Variants in PTPRR observed in about 807,000 individuals in gnomAD.
PTPRR encodes receptor-type tyrosine-protein phosphatase R.
In PTPRR, 38 loss-of-function variants were observed where a neutral mutation model predicts 77.2. That is an observed-to-expected ratio of 0.49 (90% confidence interval 0.38 to 0.65). PTPRR has a LOEUF of 0.65. Among genes scored for constraint, PTPRR ranks in the 30% least tolerant of loss-of-function variants. The pLI is 0.00. For missense variants in PTPRR, 744 were observed against 799.2 expected, an observed-to-expected ratio of 0.93 and a Z score of 0.83; for synonymous variants, 299 against 283.1, an observed-to-expected ratio of 1.06 and a Z score of -0.57.
chr12:70,800,826 C>T (rs193242389), intron 2 of PTPRR, among the ~76,000 whole-genome samples: 42 of 150,818 alleles, frequency 2.8e-4, no homozygotes, highest in South Asian at 1.3e-3. Flanking sequence ...ACCCGGGTGG[C>T]GGAGGTTGTA....
At chr12:70,699,298 T>G (rs1410290535) in intron 7 of PTPRR, among the ~76,000 whole-genome samples, 1 of 152,218 alleles carries the variant, frequency 6.6e-6, no homozygotes, top group African/African-American at 2.4e-5. Context: ...AAATTTAACT[T>G]AACAGTCTAA....
intron 8 of PTPRR, among the ~76,000 whole-genome samples, chr12:70,689,258 T>C (rs1040343570): frequency 6.6e-6 from 1 of 152,146 alleles, no homozygotes; most frequent in African/African-American, 2.4e-5. Flanking sequence ...CATTCCACAA[T>C]GTATACATGT....
chr12:70,896,378 T>C (rs1480453094), intron 1 of PTPRR, among the ~76,000 whole-genome samples: 1 of 151,610 alleles, frequency 6.6e-6, no homozygotes, highest in Non-Finnish European at 1.5e-5. Flanking sequence ...ATCAACCAAC[T>C]GGATTTAATA....
chr12:70,855,375 T>C (rs1472827473), intron 2 of PTPRR, among the ~76,000 whole-genome samples: 2 of 152,138 alleles, frequency 1.3e-5, no homozygotes, highest in Non-Finnish European at 1.5e-5. Flanking sequence ...CAGCCTCAGC[T>C]AGGGCAGCAG....
chr12:70,661,018 G>C lies in PTPRR; in HGVS notation c.1688C>G (p.Pro563Arg). Reference sequence around the variant, plus strand: ...TACATCCAGCATGAGCTGTAGGAGGGGCTGGGCACTGTCTGGAGTCTTGTG... The same window carrying C: ...TACATCCAGCATGAGCTGTAGGAGGCGCTGGGCACTGTCTGGAGTCTTGTG... Reference protein sequence around the residue: ...PDHKTPDSAQPLLQLMLDVEE... With the variant: ...PDHKTPDSAQRLLQLMLDVEE... The change falls in exon 12 of 14, where the codon CCC (proline) becomes CGC (arginine). Residue 563 changes from proline (P) to arginine (R), a missense_variant. This residue lies in a region of PTPRR where 170 missense variants were observed against 209.8 expected (regional missense o/e 0.81). Transcript: ENST00000283228. The C allele has an allele frequency of 1.9e-6, 3 of 1,613,708 alleles. No individual in the cohort carries two copies. Among genetic ancestry groups the C allele is most frequent in the Non-Finnish European group, 1.7e-6 (2 of 1,179,846 alleles).
intron 13 of PTPRR, among the ~76,000 whole-genome samples, chr12:70,653,476 G>A (rs565963379): frequency 6.6e-6 from 1 of 152,106 alleles, no homozygotes; most frequent in Admixed American, 6.5e-5. Flanking sequence ...CAGGATTGGG[G>A]GGTAAAGAGA....
At chr12:70,899,264 C>A (rs2137124343) in intron 1 of PTPRR, among the ~76,000 whole-genome samples, 1 of 150,868 alleles carries the variant, frequency 6.6e-6, no homozygotes, top group Non-Finnish European at 1.5e-5. Context: ...AGAGACAATC[C>A]TAAAAAAAAA....
intron 2 of PTPRR, among the ~76,000 whole-genome samples, chr12:70,765,205 G>A (rs1013945184): frequency 3.9e-5 from 6 of 152,198 alleles, no homozygotes; most frequent in African/African-American, 1.2e-4. Context: ...AGCAGGGTGA[G>A]GCATTGCCTC....
chr12:70,781,911 A>T (rs1033311537), intron 2 of PTPRR, among the ~76,000 whole-genome samples: 1 of 152,164 alleles, frequency 6.6e-6, no homozygotes, highest in Non-Finnish European at 1.5e-5. Flanking sequence ...TAACAATACT[A>T]ACAGTATTGG....
chr12:70,802,386 A>G (rs1349030659), intron 2 of PTPRR, among the ~76,000 whole-genome samples: 1 of 152,166 alleles, frequency 6.6e-6, no homozygotes, highest in Non-Finnish European at 1.5e-5. Context: ...TATGTAGGAG[A>G]AGTCATATTT....
At chr12:70,699,776 G>A (rs1888355098) in intron 7 of PTPRR, among the ~76,000 whole-genome samples, 1 of 152,172 alleles carries the variant, frequency 6.6e-6, no homozygotes, top group South Asian at 2.1e-4. Context: ...ACATGTTCAT[G>A]TTTGGTAATT....
At chr12:70,757,387 T>G (rs777982254) in intron 4 of PTPRR, among the ~76,000 whole-genome samples, 34 of 152,338 alleles carry the variant, frequency 2.2e-4, no homozygotes, top group Non-Finnish European at 4.7e-4. Flanking sequence ...TAATAGGTAT[T>G]TAATTCATTT....
intron 1 of PTPRR, among the ~76,000 whole-genome samples, chr12:70,905,756 G>C (rs149283862): frequency 5.9e-5 from 9 of 151,824 alleles, no homozygotes; most frequent in Non-Finnish European, 1.0e-4. Context: ...ATAAATCCTC[G>C]CATTGCAAGT....
At chr12:70,787,072 AAAAG>A (rs1453251000) in intron 2 of PTPRR, among the ~76,000 whole-genome samples, 5 of 152,204 alleles carry the variant, frequency 3.3e-5, no homozygotes, top group Non-Finnish European at 5.9e-5. Flanking sequence ...TCATTTCTAG[AAAAG>A]AAAGATTCTG....
chr12:70,894,582 C>A (rs1341286947), intron 1 of PTPRR, among the ~76,000 whole-genome samples: 1 of 151,690 alleles, frequency 6.6e-6, no homozygotes, highest in African/African-American at 2.4e-5. Context: ...TAGGACACTA[C>A]AATATTATTT....
chr12:70,880,642 T>TAG (rs781747354), intron 2 of PTPRR, among the ~76,000 whole-genome samples: 3 of 152,220 alleles, frequency 2.0e-5, no homozygotes, highest in Non-Finnish European at 4.4e-5. Flanking sequence ...ATTGTATCCC[T>TAG]AGAGTCTGTT....
chr12:70,767,634 G>A (rs1445583264), intron 2 of PTPRR, among the ~76,000 whole-genome samples: 1 of 152,088 alleles, frequency 6.6e-6, no homozygotes, highest in Non-Finnish European at 1.5e-5. Context: ...AGGATACCCA[G>A]GAATTGAATT....
At chr12:70,698,128 T>C (rs1888293426) in intron 8 of PTPRR, 137 bp downstream of exon 8, 1 of 562,148 alleles carries the variant, frequency 1.8e-6, no homozygotes, top group Non-Finnish European at 3.2e-6. Flanking sequence ...GCAGGTTTGT[T>C]ACATAGGTAT....
At chr12:70,886,807 CAAAT>C (rs1382300089) in intron 2 of PTPRR, among the ~76,000 whole-genome samples, 1 of 151,998 alleles carries the variant, frequency 6.6e-6, no homozygotes, top group Non-Finnish European at 1.5e-5. Flanking sequence ...ATTCTTTCAT[CAAAT>C]AAATAGTTAT....
Sources: gnomAD v4.1 joint callset for allele counts (sites outside exome capture counted in the v4.1 genomes callset) on GRCh38, gnomAD v4.1.1 for gene constraint, gnomAD v4.1.1 regional missense constraint, MANE v1.5 for transcripts, NCBI Gene and HGNC (gene_info 2026-07-23, HGNC 2026-07-21) for gene names.